The following SHLD1 variants were observed in gnomAD, a reference collection of about 807,000 sequenced individuals.
SHLD1 encodes RINN1-REV7-interacting novel NHEJ regulator 3.
In SHLD1, 3 loss-of-function variants were observed where a neutral mutation model predicts 5.5. The observed-to-expected ratio is 0.54, with a 90% CI of 0.25 to 1.40. The LOEUF is 1.40. Ranked by LOEUF, SHLD1 falls within the 40% of genes most tolerant of loss-of-function variation. SHLD1 has a pLI of 0.15. For missense variants in SHLD1, 210 were observed against 244.4 expected (o/e 0.86, Z 0.94); for synonymous variants, 92 against 94.3 (o/e 0.98, Z 0.14).
chr20:5,816,935 G>C (rs187942325), intron 2 of SHLD1, among the ~76,000 whole-genome samples: 36 of 152,208 alleles, frequency 2.4e-4, no homozygotes, highest in African/African-American at 8.7e-4. Context: ...TGGGCGTGGT[G>C]GTGCCTGCCT....
intron 2 of SHLD1, among the ~76,000 whole-genome samples, chr20:5,835,502 T>C (rs1284295171): frequency 6.6e-6 from 1 of 152,046 alleles, no homozygotes; most frequent in Non-Finnish European, 1.5e-5. Context: ...GCTGGCCAGC[T>C]CTACCTGGGG....
intron 2 of SHLD1, among the ~76,000 whole-genome samples, chr20:5,802,707 C>T (rs1037655725): frequency 6.6e-6 from 1 of 151,830 alleles, no homozygotes; most frequent in African/African-American, 2.4e-5. Flanking sequence ...AGTGCAGTGG[C>T]GTGATCATGG....
intron 2 of SHLD1, among the ~76,000 whole-genome samples, chr20:5,788,263 G>A (rs1050398688): frequency 2.0e-5 from 3 of 151,660 alleles, no homozygotes; most frequent in African/African-American, 7.3e-5. Flanking sequence ...AAAAACAGAG[G>A]TGTACCCCCA....
At chr20:5,796,436 AGGCACCCTAT>A (rs2087213561) in intron 2 of SHLD1, among the ~76,000 whole-genome samples, 1 of 152,166 alleles carries the variant, frequency 6.6e-6, no homozygotes, top group African/African-American at 2.4e-5. Flanking sequence ...TCTATGTGAA[AGGCACCCTAT>A]GGTTTTCCAT....
chr20:5,783,793 T>A (rs1042395622), intron 2 of SHLD1, among the ~76,000 whole-genome samples: 1 of 152,102 alleles, frequency 6.6e-6, no homozygotes, highest in African/African-American at 2.4e-5. Flanking sequence ...CCCTGGATGC[T>A]CTACCTTATG....
At position 5,863,281 on chromosome 20, in the gene SHLD1, C is replaced by G; in HGVS notation, c.436C>G (p.Gln146Glu). ...ESQKYALRSF[Q>E]MARVIFNRDG... ...CCAAAAGTATGCCCTCCGCAGTTTTCAAATGGCCCGGGTGATCTTCAACCG... is the reference window on the plus strand; with the variant it reads ...CCAAAAGTATGCCCTCCGCAGTTTTGAAATGGCCCGGGTGATCTTCAACCG... The change falls in exon 3 of 3, where the codon CAA becomes GAA. Residue 146 changes from glutamine (Q) to glutamate (E), a missense_variant. Coordinates refer to ENST00000303142, the MANE Select transcript of SHLD1 (RefSeq NM_152504.4). 1 of 1,614,236 alleles carries G rather than the reference C, an allele frequency of 6.2e-7. No homozygotes were observed. Among genetic ancestry groups the G allele is most frequent in the Non-Finnish European group, 8.5e-7 (1 of 1,180,050 alleles).
intron 2 of SHLD1, among the ~76,000 whole-genome samples, chr20:5,831,834 A>G (rs1304462408): frequency 1.3e-5 from 2 of 152,348 alleles, no homozygotes; most frequent in East Asian, 1.9e-4. Flanking sequence ...GTAAACACTC[A>G]TAATCCTTCT....
chr20:5,820,524 C>T (rs1351437951), intron 2 of SHLD1, among the ~76,000 whole-genome samples: 1 of 152,068 alleles, frequency 6.6e-6, no homozygotes, highest in Non-Finnish European at 1.5e-5. Context: ...GATAGAACAC[C>T]CAAGAAACCA....
At chr20:5,777,673 G>T (rs1414357444) in intron 2 of SHLD1, among the ~76,000 whole-genome samples, 1 of 149,720 alleles carries the variant, frequency 6.7e-6, no homozygotes, top group Non-Finnish European at 1.5e-5. Context: ...GGGCCCAAGC[G>T]ATCCTCCCGC....
At chr20:5,823,200 C>G (rs2087627910) in intron 2 of SHLD1, among the ~76,000 whole-genome samples, 1 of 152,114 alleles carries the variant, frequency 6.6e-6, no homozygotes, top group Non-Finnish European at 1.5e-5. Flanking sequence ...TCCTCCTGCC[C>G]TCACTGGCTG....
chr20:5,848,273 C>T (rs1016404756), intron 2 of SHLD1, among the ~76,000 whole-genome samples: 8 of 152,174 alleles, frequency 5.3e-5, no homozygotes, highest in African/African-American at 1.9e-4. Flanking sequence ...GGCATGGTGG[C>T]TCATGCCTGT....
chr20:5,824,004 C>G (rs1273144769), intron 2 of SHLD1, among the ~76,000 whole-genome samples: 1 of 152,174 alleles, frequency 6.6e-6, no homozygotes, highest in Non-Finnish European at 1.5e-5. Context: ...GTCTCCTTTC[C>G]AGCAGCAGCA....
chr20:5,862,994 T>C, intron 2 of SHLD1, 30 bp from the exon 3 acceptor site: 4 of 1,529,642 alleles, frequency 2.6e-6, no homozygotes, highest in Non-Finnish European at 3.5e-6. Context: ...GATTGTGTGT[T>C]TGAGTATTGG....
intron 2 of SHLD1, among the ~76,000 whole-genome samples, chr20:5,792,901 C>G (rs548245170): frequency 6.6e-6 from 1 of 152,218 alleles, no homozygotes; most frequent in East Asian, 1.9e-4. Context: ...TCTCGAACTC[C>G]CGATGTCAAG....
At chr20:5,761,072 A>G (rs1984436637) in intron 1 of SHLD1, among the ~76,000 whole-genome samples, 1 of 152,170 alleles carries the variant, frequency 6.6e-6, no homozygotes, top group Admixed American at 6.6e-5. Flanking sequence ...AAGAAGCTGC[A>G]GCCATAAAAA....
chr20:5,773,254 T>C, intron 2 of SHLD1: 1 of 681,036 alleles, frequency 1.5e-6, no homozygotes, highest in South Asian at 1.6e-5. Flanking sequence ...GTTTCCTGGA[T>C]GTCTTTTTGT....
chr20:5,817,394 T>TTCTCTCTCTCTCTCTC lies in SHLD1; in HGVS notation c.178+44375_178+44390dup, dbSNP rs144955343. ...CTTGTTTTTAAGCTCACGGGATATT[T>TTCTCTCTCTCTCTCTC]TCTCTCTCTCTCTCTCTCTCTCTCT... On this transcript the variant is annotated intron_variant, in intron 2 of 2. Transcript: ENST00000303142. Among the ~76,000 whole-genome samples, 181 of 75,810 alleles carry TTCTCTCTCTCTCTCTC rather than the reference T, an allele frequency of 2.4e-3. 4 individuals carry two copies. The highest frequency in any genetic ancestry group is 3.6e-3 in the Non-Finnish European group (134 of 37,202). The allele number at this position is 75,810 out of a possible 152,430, so 49.7% of individuals were successfully genotyped here.
intron 2 of SHLD1, among the ~76,000 whole-genome samples, chr20:5,824,881 C>A (rs2087648547): frequency 6.6e-6 from 1 of 152,074 alleles, no homozygotes; most frequent in Non-Finnish European, 1.5e-5. Flanking sequence ...GACTTCTGTA[C>A]GTACTTTGAC....
At chr20:5,854,151 A>T (rs767874729) in intron 2 of SHLD1, among the ~76,000 whole-genome samples, 6 of 152,038 alleles carry the variant, frequency 3.9e-5, no homozygotes, top group Non-Finnish European at 8.8e-5. Flanking sequence ...GATTACAGGC[A>T]TGTTCTACCA....
Sources: allele counts gnomAD v4.1 joint callset (sites outside exome capture counted in the v4.1 genomes callset), GRCh38; gene constraint gnomAD v4.1.1; transcripts MANE v1.5; gene names NCBI Gene and HGNC (gene_info 2026-07-23, HGNC 2026-07-21).